Variants in TNFRSF14 observed in about 807,000 individuals in gnomAD.
TNFRSF14 encodes TNF receptor superfamily member 14, also known as tumor necrosis factor receptor superfamily member 14.
TNFRSF14 carries 18 observed loss-of-function variants against 34.1 expected under a neutral mutation model. The ratio of observed to expected loss-of-function variants is 0.53; its 90% CI spans 0.36 to 0.78. The LOEUF (loss-of-function observed/expected upper bound fraction) is 0.78, where lower values mean the gene tolerates loss of function less well. TNFRSF14 is among the 30% of genes least tolerant of loss of function. The pLI is 0.00. For missense variants in TNFRSF14, 352 were observed against 379.5 expected (o/e 0.93, Z 0.60); for synonymous variants, 157 against 153.2 (o/e 1.02, Z -0.18).
rs1644268082 is a variant in TNFRSF14 at position 2,559,264 on chromosome 1, C to T, written c.305-559C>T. On this transcript the variant is annotated intron_variant, in intron 3 of 7. Coordinates refer to ENST00000355716, the MANE Select transcript of TNFRSF14 (RefSeq NM_003820.4). ...CAACCTGCATGCCCAGTTCCATGCCCCTCCCCTCTTGTGAAAGCACCTGTC... is the reference window on the plus strand; with the variant it reads ...CAACCTGCATGCCCAGTTCCATGCCTCTCCCCTCTTGTGAAAGCACCTGTC... 3.7e-6 allele frequency: 5 copies of T among 1,368,126 alleles called. No homozygotes were observed. In the Admixed American group the frequency reaches 6.5e-5, roughly 18 times the overall value. The allele number at this position is 1,368,126 out of a possible 1,614,324, so 84.7% of individuals were successfully genotyped here.
At position 2,561,919 on chromosome 1, in the gene TNFRSF14, C is replaced by A; in HGVS notation, c.694+104C>A. ...GTGGCCCCAGAGCTTTTCCAGGATC[C>A]GCGGCTCCTCCCAGGGCAGCCACTG... On this transcript the variant is annotated intron_variant, in intron 6 of 7. Coordinates refer to ENST00000355716, the MANE Select transcript of TNFRSF14 (RefSeq NM_003820.4). The surrounding 1 kb of genome is among the most constrained non-coding windows in gnomAD (Gnocchi z 6.0). The A allele has an allele frequency of 7.7e-7, 1 of 1,293,298 alleles. No individual in the cohort carries two copies. Among genetic ancestry groups the A allele is most frequent in the Non-Finnish European group, 1.1e-6 (1 of 933,644 alleles). 80.1% of individuals were successfully genotyped at this position (1,293,298 alleles called of 1,614,324 possible).
In TNFRSF14 at chr1:2,557,967, A is replaced by G. The variant is rs111682812; in HGVS notation, c.178+133A>G. On this transcript the variant is annotated intron_variant, in intron 2 of 7. Coordinates refer to ENST00000355716, the MANE Select transcript of TNFRSF14 (RefSeq NM_003820.4). Reference sequence around the variant, plus strand: ...GATGAAGCCCTGGGGCTAGGTGTGCAGACAGTGAGGGCAGAACCCCCAGGC... The same window carrying G: ...GATGAAGCCCTGGGGCTAGGTGTGCGGACAGTGAGGGCAGAACCCCCAGGC... The G allele has an allele frequency of 7.7e-6, 6 of 781,834 alleles. No homozygotes were observed. The African/African-American group carries it at 8.8e-5, about 11-fold the overall frequency. 48.4% of individuals were successfully genotyped at this position (781,834 alleles called of 1,614,324 possible). A position where few individuals can be genotyped will look rare whatever the true frequency, so the allele number is the denominator to read the frequency against.
intron 7 of TNFRSF14, 112 bp from the exon 8 acceptor site, chr1:2,563,036 A>G (rs979957541): frequency 6.4e-7 from 1 of 1,574,586 alleles, no homozygotes; most frequent in African/African-American, 1.4e-5. Flanking sequence ...CAGCCACGGT[A>G]GCTCAGGAAA....
Position 2,556,587 on chromosome 1 carries a change from G to C in TNFRSF14, c.-78G>C, listed in dbSNP as rs780530671. ...TCTCTTTCTCTTCTGGCCCACAGCC[G>C]CAGCAATGGCGCTGAGTTCCTCTGC... On this transcript the variant is annotated 5_prime_UTR_variant, in exon 1 of 8. Coordinates refer to ENST00000355716, the MANE Select transcript of TNFRSF14 (RefSeq NM_003820.4). The C allele has an allele frequency of 6.6e-6, 9 of 1,373,262 alleles. No homozygotes were observed. Among genetic ancestry groups the C allele is most frequent in the Non-Finnish European group, 8.2e-6 (8 of 979,050 alleles). The allele number at this position is 1,373,262 out of a possible 1,614,324, so 85.1% of individuals were successfully genotyped here.
Position 2,556,548 on chromosome 1 carries a change from ATTCTCT to A in TNFRSF14, c.-97_-92del, listed in dbSNP as rs571788669. On this transcript the variant is annotated 5_prime_UTR_variant, in exon 1 of 8. Transcript: ENST00000355716. ...GGCACAGCTTGTCACACCGAGGCGG[ATTCTCT>A]TTCTCTTTCTCTTTCTCTTCTGGCC... The A allele has an allele frequency of 2.9e-4, 295 of 1,021,140 alleles. No individual in the cohort carries two copies. Among genetic ancestry groups the A allele is most frequent in the African/African-American group, 2.7e-3 (172 of 62,712 alleles). The allele number at this position is 1,021,140 out of a possible 1,614,324, so 63.3% of individuals were successfully genotyped here.
Position 2,561,525 on chromosome 1 carries a change from G to T in TNFRSF14, c.552-148G>T. 3.9e-6 allele frequency: 6 copies of T among 1,554,376 alleles called. No homozygotes were observed. Among genetic ancestry groups the T allele is most frequent in the Non-Finnish European group, 5.2e-6 (6 of 1,148,496 alleles). ...TTGGAAAAGTCAGACAGACCTCTGA[G>T]GTCTCATCCTGGAGCTGCCACCAGC... On this transcript the variant is annotated intron_variant, in intron 5 of 7. Transcript: ENST00000355716. The surrounding 1 kb of genome is among the most constrained non-coding windows in gnomAD (Gnocchi z 6.0).
chr1:2,562,987 G>T, intron 7 of TNFRSF14, 91 bp downstream of exon 7: 1 of 1,543,380 alleles, frequency 6.5e-7, no homozygotes, highest in East Asian at 2.3e-5. Context: ...TACATGGTGG[G>T]GGCTCCCAGT....
chr1:2,558,603 A>T, intron 3 of TNFRSF14, 135 bp downstream of exon 3: 3 of 1,478,446 alleles, frequency 2.0e-6, no homozygotes, highest in Non-Finnish European at 2.7e-6. Flanking sequence ...CCCCATCTCC[A>T]TGGATGCACC....
intron 3 of TNFRSF14, chr1:2,559,242 C>T (rs928701170): frequency 1.6e-5 from 22 of 1,369,636 alleles, no homozygotes; most frequent in Non-Finnish European, 1.9e-5. Flanking sequence ...CACACCTCAA[C>T]CTGCATGCCC....
chr1:2,559,505 G>A, intron 3 of TNFRSF14: 1 of 1,477,716 alleles, frequency 6.8e-7, no homozygotes. Flanking sequence ...CCTGCCTGCG[G>A]GACCCTGCCC....
chr1:2,558,709 G>A (rs1344364535), intron 3 of TNFRSF14: 6 of 1,124,414 alleles, frequency 5.3e-6, no homozygotes, highest in South Asian at 1.6e-5. Context: ...TGAGCTTGGC[G>A]ACTGACCCTT....
chr1:2,559,000 G>A (rs1267522757), intron 3 of TNFRSF14: 11 of 1,367,774 alleles, frequency 8.0e-6, no homozygotes, highest in Middle Eastern at 3.9e-4. Flanking sequence ...ACTGAGCGCA[G>A]AGCCTGTCCA....
rs1310445096 is a variant in TNFRSF14 at position 2,558,360 on chromosome 1, G to A, written c.196G>A (p.Ala66Thr). 1 of 1,608,630 alleles carries A rather than the reference G, an allele frequency of 6.2e-7. No homozygotes were observed. The highest frequency in any genetic ancestry group is 8.5e-7 in the Non-Finnish European group (1 of 1,178,050). ...GGCGGCAGGTTATCGTGTGAAGGAG[G>A]CCTGCGGGGAGCTGACGGGCACAGT... ...KCSPGYRVKEACGELTGTVCE... is the reference protein window; with the variant it reads ...KCSPGYRVKETCGELTGTVCE... Residue 66 changes from alanine (A) to threonine (T), a missense_variant, in exon 3 of 8, where the codon GCC (alanine) becomes ACC (threonine). Ala to Thr is a moderately conservative substitution (Grantham distance 58). Coordinates refer to ENST00000355716, the MANE Select transcript of TNFRSF14 (RefSeq NM_003820.4).
In TNFRSF14 at chr1:2,560,708, A is replaced by C. The variant is rs745374599; in HGVS notation, c.545A>C (p.Gln182Pro). ...PNGTLEECQH[Q>P]TKCSWLVTKA... Reference sequence around the variant, plus strand: ...GGGACCCTGGAGGAATGTCAGCACCAGACCAAGTAAGTGAACCCGGGGGAG... The same window carrying C: ...GGGACCCTGGAGGAATGTCAGCACCCGACCAAGTAAGTGAACCCGGGGGAG... Residue 182 changes from glutamine to proline, a missense_variant, in exon 5 of 8, where the codon CAG (glutamine) becomes CCG (proline). Transcript: ENST00000355716. 6.2e-7 allele frequency: 1 copy of C among 1,613,296 alleles called. No homozygotes were observed. Among genetic ancestry groups the C allele is most frequent in the Non-Finnish European group, 8.5e-7 (1 of 1,179,906 alleles).
At position 2,557,077 on chromosome 1, in the gene TNFRSF14, G is replaced by A. The variant is rs1644226724; in HGVS notation, c.69+344G>A. On this transcript the variant is annotated intron_variant, in intron 1 of 7. Coordinates refer to ENST00000355716, the MANE Select transcript of TNFRSF14 (RefSeq NM_003820.4). ...CGTCTCTGGGCGGGGCCCTCGAGCA[G>A]GTGACCCAACTCCCCGGCAGCCCTG... 3 of 339,352 alleles carry A rather than the reference G, an allele frequency of 8.8e-6. No homozygotes were observed. In the East Asian group the frequency reaches 1.4e-4, roughly 16 times the overall value. The allele number at this position is 339,352 out of a possible 1,614,324, so 21.0% of individuals were successfully genotyped here.
Position 2,556,597 on chromosome 1 carries a change from C to T in TNFRSF14, c.-68C>T, listed in dbSNP as rs558105506. On this transcript the variant is annotated 5_prime_UTR_variant, in exon 1 of 8. Coordinates refer to ENST00000355716, the MANE Select transcript of TNFRSF14 (RefSeq NM_003820.4). ...TTCTGGCCCACAGCCGCAGCAATGG[C>T]GCTGAGTTCCTCTGCTGGAGTTCAT... is the stretch of plus-strand genomic sequence containing the variant. The T allele has an allele frequency of 1.1e-4, 164 of 1,452,950 alleles. No individual in the cohort carries two copies. In the African/African-American group the frequency reaches 2.0e-3, roughly 18 times the overall value. 90.0% of individuals were successfully genotyped at this position (1,452,950 alleles called of 1,614,324 possible).
Position 2,563,473 on chromosome 1 carries a change from T to A in TNFRSF14, c.*200T>A. On this transcript the variant is annotated 3_prime_UTR_variant, in exon 8 of 8. Transcript: ENST00000355716. ...GCCACGTGCCATTCCCATGGGCCAGTGAGGGCCTGGGGCCTCTGTTCTGCT... is the reference window on the plus strand; with the variant it reads ...GCCACGTGCCATTCCCATGGGCCAGAGAGGGCCTGGGGCCTCTGTTCTGCT... 1.3e-6 allele frequency: 1 copy of A among 794,878 alleles called. No homozygotes were observed. The highest frequency in any genetic ancestry group is 1.9e-6 in the Non-Finnish European group (1 of 518,410). 49.2% of individuals were successfully genotyped at this position (794,878 alleles called of 1,614,324 possible).
At position 2,559,996 on chromosome 1, in the gene TNFRSF14, G is replaced by A; in HGVS notation, c.460+18G>A. The A allele has an allele frequency of 6.6e-7, 1 of 1,523,210 alleles. No individual in the cohort carries two copies. Among genetic ancestry groups the A allele is most frequent in the South Asian group, 1.2e-5 (1 of 81,528 alleles). The allele number at this position is 1,523,210 out of a possible 1,614,324, so 94.4% of individuals were successfully genotyped here. On this transcript the variant is annotated intron_variant, in intron 4 of 7. Transcript: ENST00000355716. ...GAAGGGAGGTAAGCGGTGGGTGGCG[G>A]ACACCCCTCCCATTTCCACCCTGGT...
chr1:2,557,456 C>A (rs1390501303), intron 1 of TNFRSF14, among the ~76,000 whole-genome samples: 2 of 152,142 alleles, frequency 1.3e-5, no homozygotes, highest in African/African-American at 2.4e-5. Context: ...GTGTGGGGTC[C>A]CTGGCGAGGG....
Sources: allele counts gnomAD v4.1 joint callset (sites outside exome capture counted in the v4.1 genomes callset), GRCh38; gene constraint gnomAD v4.1.1; non-coding constraint Gnocchi (gnomAD v3.1); transcripts MANE v1.5; gene names NCBI Gene and HGNC (gene_info 2026-07-23, HGNC 2026-07-21).